TXNDC16: variants seen among roughly 807,000 people sequenced by gnomAD.
The protein encoded by TXNDC16 is thioredoxin domain containing 16, also known as thioredoxin domain-containing protein 16.
In TXNDC16, 74 loss-of-function variants were observed where a neutral mutation model predicts 85.6. The observed-to-expected ratio is 0.86, with a 90% confidence interval of 0.72 to 1.05. The LOEUF is 1.05. TXNDC16 is among the 50% of genes least tolerant of loss of function. The probability of loss-of-function intolerance (pLI) is 0.00; values close to 1 mark genes in which losing one functional copy is unlikely to be tolerated. For missense variants in TXNDC16, 959 were observed against 947.0 expected, an observed-to-expected ratio of 1.01 and a Z score of -0.17; for synonymous variants, 335 against 326.5, an observed-to-expected ratio of 1.03 and a Z score of -0.28.
intron 14 of TXNDC16, 93 bp downstream of exon 14, chr14:52,482,137 T>TGA: frequency 8.4e-7 from 1 of 1,197,396 alleles, no homozygotes; most frequent in Non-Finnish European, 1.2e-6. Context: ...ACTGAAATTT[T>TGA]ATGTGGTTTT....
chr14:52,436,082 T>A (rs1321210027), intron 20 of TXNDC16, among the ~76,000 whole-genome samples: 2 of 152,122 alleles, frequency 1.3e-5, no homozygotes, highest in East Asian at 3.8e-4. Flanking sequence ...ATCAAGACAG[T>A]GCAGTACTAG....
At chr14:52,504,175 G>A (rs1426987727) in intron 9 of TXNDC16, among the ~76,000 whole-genome samples, 1 of 152,142 alleles carries the variant, frequency 6.6e-6, no homozygotes, top group African/African-American at 2.4e-5. Context: ...AACTTCCCCA[G>A]TCTAGCAAGA....
intron 16 of TXNDC16, among the ~76,000 whole-genome samples, chr14:52,458,183 G>A (rs1211898535): frequency 1.3e-5 from 2 of 152,170 alleles, no homozygotes; most frequent in African/African-American, 4.8e-5. Flanking sequence ...CCCTAAGATT[G>A]AGCAATACTG....
chr14:52,469,907 T>C (rs2035863527), intron 16 of TXNDC16, 130 bp downstream of exon 16: 1 of 881,044 alleles, frequency 1.1e-6, no homozygotes, highest in Non-Finnish European at 1.6e-6. Context: ...TAGCTTACGA[T>C]ATTTTATTTT....
chr14:52,519,484 T>A (rs1234450784), intron 6 of TXNDC16, among the ~76,000 whole-genome samples, 191 bp from the exon 7 acceptor site: 1 of 152,208 alleles, frequency 6.6e-6, no homozygotes, highest in East Asian at 1.9e-4. Context: ...TCTGAGAACA[T>A]CAACCAGGGA....
Position 52,470,102 on chromosome 14 carries a change from T to A in TXNDC16, c.1553A>T (p.Tyr518Phe), listed in dbSNP as rs201350347. ...ACTAGAATACAAGATGAGGTCTTTA[T>A]ATAATTCCCCACTTAAATATTCTTC... ...EAEEYLSGEL[Y>F]KDLILYSSVS... is the part of the protein sequence containing the mutation. The change falls in exon 16 of 21, where the codon TAT becomes TTT. Residue 518 changes from tyrosine to phenylalanine, a missense_variant. Transcript: ENST00000281741. The A allele has an allele frequency of 1.9e-5, 30 of 1,611,358 alleles. No individual in the cohort carries two copies. In the African/African-American group the frequency reaches 3.1e-4, roughly 16 times the overall value.
chr14:52,484,727 A>G (rs1416600065), intron 12 of TXNDC16, among the ~76,000 whole-genome samples: 1 of 152,086 alleles, frequency 6.6e-6, no homozygotes, highest in Non-Finnish European at 1.5e-5. Context: ...TAAAAATACA[A>G]AAAATTAGCA....
chr14:52,463,651 G>T (rs901530397), intron 16 of TXNDC16, among the ~76,000 whole-genome samples: 5 of 152,196 alleles, frequency 3.3e-5, no homozygotes, highest in Non-Finnish European at 7.3e-5. Flanking sequence ...CCAAAACTTG[G>T]TGAGTGGTAT....
In TXNDC16 at chr14:52,432,212, C is replaced by T. The variant is rs966449611; in HGVS notation, c.*92G>A. 3 of 1,204,700 alleles carry T rather than the reference C, an allele frequency of 2.5e-6. No individual in the cohort carries two copies. The African/African-American group carries it at 4.7e-5, about 19-fold the overall frequency. 74.6% of individuals were successfully genotyped at this position (1,204,700 alleles called of 1,614,324 possible). On this transcript the variant is annotated 3_prime_UTR_variant, in exon 21 of 21. Transcript: ENST00000281741. Reference sequence around the variant, plus strand: ...TATAATTCTATTGGATGGCACTAGTCTGCAAACTTGAAATGATTTAATATT... The same window carrying T: ...TATAATTCTATTGGATGGCACTAGTTTGCAAACTTGAAATGATTTAATATT...
At chr14:52,494,769 A>G (rs1343396557) in intron 9 of TXNDC16, among the ~76,000 whole-genome samples, 1 of 152,248 alleles carries the variant, frequency 6.6e-6, no homozygotes, top group African/African-American at 2.4e-5. Context: ...TCACTCTGTC[A>G]GCTTTCAAAT....
rs1170711631 is a variant in TXNDC16 at position 52,509,503 on chromosome 14, A to ATGC, written c.756+1736_756+1737insGCA. 2.0e-5 allele frequency among the ~76,000 whole-genome samples: 3 copies of ATGC among 151,824 alleles called. No homozygotes were observed. In the East Asian group the frequency reaches 5.8e-4, roughly 29 times the overall value. ...CTTTAAACTGCTTTCTTTAAAAAAA[A>ATGC]AATTACTTGTAGTCAAAATGCAACC... On this transcript the variant is annotated intron_variant, in intron 9 of 20. Coordinates refer to ENST00000281741, the MANE Select transcript of TXNDC16 (RefSeq NM_020784.3).
Position 52,455,336 on chromosome 14 carries a change from T to C in TXNDC16, c.1830A>G (p.Leu610=), listed in dbSNP as rs2035507050. 3 of 1,613,698 alleles carry C rather than the reference T, an allele frequency of 1.9e-6. No individual in the cohort carries two copies. Among genetic ancestry groups the C allele is most frequent in the African/African-American group, 1.3e-5 (1 of 75,032 alleles). Residue 610 remains leucine, a synonymous_variant, in exon 18 of 21, where the codon CTA becomes CTG. Transcript: ENST00000281741. ...QDIVQIITDA[L]LEMFPEITVE... ...AAAACATACTCACAAACATTTCCAG[T>C]AGTGCATCTGTTATTATTTGAACTA...
chr14:52,548,724 T>C (rs901709937), intron 1 of TXNDC16, among the ~76,000 whole-genome samples: 13 of 151,658 alleles, frequency 8.6e-5, no homozygotes, highest in Non-Finnish European at 1.9e-4. Flanking sequence ...CTACCAAAAA[T>C]ACAAAAAATT....
chr14:52,538,414 T>A (rs1367069510), intron 4 of TXNDC16, among the ~76,000 whole-genome samples: 1 of 151,756 alleles, frequency 6.6e-6, no homozygotes, highest in East Asian at 1.9e-4. Flanking sequence ...GTGAAAAAAA[T>A]ATATAATAAC....
chr14:52,479,821 T>C (rs1030068517), intron 14 of TXNDC16, among the ~76,000 whole-genome samples: 2 of 151,654 alleles, frequency 1.3e-5, no homozygotes, highest in Non-Finnish European at 2.9e-5. Context: ...GAAAAAACAA[T>C]CCTAAAATTC....
chr14:52,538,763 T>C (rs1002226428), intron 4 of TXNDC16, among the ~76,000 whole-genome samples: 9 of 152,162 alleles, frequency 5.9e-5, no homozygotes, highest in African/African-American at 2.2e-4. Context: ...AGGCTTTTGT[T>C]TCTCTTAAGA....
chr14:52,435,932 TCGCACCC>T, intron 20 of TXNDC16, among the ~76,000 whole-genome samples: 1 of 152,058 alleles, frequency 6.6e-6, no homozygotes, highest in East Asian at 1.9e-4. Flanking sequence ...TGTGTGATGA[TCGCACCC>T]CTGCACTCCA....
At chr14:52,523,770 C>T (rs934528655) in intron 6 of TXNDC16, among the ~76,000 whole-genome samples, 1 of 152,116 alleles carries the variant, frequency 6.6e-6, no homozygotes, top group Non-Finnish European at 1.5e-5. Context: ...ATTCTTACTA[C>T]TAGAAATAAT....
At chr14:52,488,292 C>T in intron 12 of TXNDC16, 71 bp downstream of exon 12, 2 of 1,560,530 alleles carry the variant, frequency 1.3e-6, no homozygotes, top group Non-Finnish European at 1.7e-6. Flanking sequence ...GAAAGTTAAT[C>T]CATTGGAAAT....
Sources: gnomAD v4.1 joint callset for allele counts (sites outside exome capture counted in the v4.1 genomes callset) on GRCh38, gnomAD v4.1.1 for gene constraint, MANE v1.5 for transcripts, NCBI Gene and HGNC (gene_info 2026-07-23, HGNC 2026-07-21) for gene names.